Variants in KIF6 observed in about 807,000 individuals in gnomAD.
The protein encoded by KIF6 is kinesin family member 6, also known as kinesin-like protein KIF6.
A neutral mutation model predicts 112.7 loss-of-function variants in KIF6; 106 were observed. The ratio of observed to expected loss-of-function variants is 0.94; its 90% CI spans 0.80 to 1.11. The LOEUF (loss-of-function observed/expected upper bound fraction) is 1.11, where lower values mean the gene tolerates loss of function less well. Among genes scored for constraint, KIF6 ranks in the 50% least tolerant of loss-of-function variants. The pLI, the probability that KIF6 is intolerant of heterozygous loss-of-function variation, is 0.00. For missense variants in KIF6, 929 were observed against 964.0 expected, an observed-to-expected ratio of 0.96 and a Z score of 0.48; for synonymous variants, 339 against 339.9, an observed-to-expected ratio of 1.00 and a Z score of 0.03.
intron 15 of KIF6, 50 bp from the exon 16 acceptor site, chr6:39,385,722 G>A: frequency 8.1e-7 from 1 of 1,235,546 alleles, no homozygotes; most frequent in South Asian, 1.2e-5. Context: ...ATGGGCTGGA[G>A]GAAGACTGCC....
At chr6:39,576,499 T>A (rs1780982594) in intron 10 of KIF6, among the ~76,000 whole-genome samples, 1 of 152,146 alleles carries the variant, frequency 6.6e-6, no homozygotes, top group Non-Finnish European at 1.5e-5. Context: ...TTCCTAGACT[T>A]TTTTAGCAAC....
intron 10 of KIF6, among the ~76,000 whole-genome samples, chr6:39,552,468 A>T (rs925080294): frequency 6.6e-6 from 1 of 152,224 alleles, no homozygotes; most frequent in Admixed American, 6.5e-5. Flanking sequence ...AGAGAAGTTC[A>T]GTAACTTGCA....
At chr6:39,718,403 AG>A (rs1789992630) in intron 2 of KIF6, 1 of 152,100 alleles carries the variant, frequency 6.6e-6, no homozygotes, top group Admixed American at 6.6e-5. Flanking sequence ...ACAATTATGA[AG>A]GTATGTAGCA....
At position 39,342,360 on chromosome 6, in the gene KIF6, T is replaced by G. The variant is rs1480334870; in HGVS notation, c.2428+1349A>C. Among the ~76,000 whole-genome samples, 1 of 152,230 alleles carries G rather than the reference T, an allele frequency of 6.6e-6. No individual in the cohort carries two copies. The highest frequency in any genetic ancestry group is 1.5e-5 in the Non-Finnish European group (1 of 68,056). On this transcript the variant is annotated intron_variant, in intron 22 of 22. Transcript: ENST00000287152. The surrounding 1 kb of genome is among the most constrained non-coding windows in gnomAD (Gnocchi z 4.7). ...CCCCTCAAACAATCTTACGTATTTG[T>G]CGACGTGTTCATTGTCTGTCTCCTT...
rs905605743 is a variant in KIF6 at position 39,331,053 on chromosome 6, A to G, written c.*5479T>C. The G allele has an allele frequency of 6.6e-6, 1 of 151,808 alleles. No homozygotes were observed. Among genetic ancestry groups the G allele is most frequent in the Non-Finnish European group, 1.5e-5 (1 of 68,064 alleles). 9.4% of individuals were successfully genotyped at this position (151,808 alleles called of 1,614,324 possible). ...GCCTCTTCCCATCACCCAATACCCA[A>G]CCTGCCATCATTGTCCTAAGCTTCC... On this transcript the variant is annotated 3_prime_UTR_variant, in exon 23 of 23. Transcript: ENST00000287152.
rs1421699723 is a variant in KIF6 at position 39,620,969 on chromosome 6, A to G, written c.510-7651T>C. Among the ~76,000 whole-genome samples, 3 of 152,076 alleles carry G rather than the reference A, an allele frequency of 2.0e-5. 1 individual carries two copies. Among genetic ancestry groups the G allele is most frequent in the South Asian group, 4.2e-4 (2 of 4,816 alleles). On this transcript the variant is annotated intron_variant, in intron 5 of 22. Coordinates refer to ENST00000287152, the MANE Select transcript of KIF6 (RefSeq NM_145027.6). ...TTTTTAGTAGAGACAGGGTTTTGCC[A>G]TGTTAGCCAGGCTGGTCTTGAACTC...
At chr6:39,589,857 CTTTATG>C in intron 7 of KIF6, among the ~76,000 whole-genome samples, 1 of 152,302 alleles carries the variant, frequency 6.6e-6, no homozygotes, top group Admixed American at 6.5e-5. Context: ...TCTTGAGATT[CTTTATG>C]TTTAATAAAC....
At chr6:39,687,197 T>G (rs774978526) in intron 3 of KIF6, among the ~76,000 whole-genome samples, 6 of 151,786 alleles carry the variant, frequency 4.0e-5, no homozygotes, top group Non-Finnish European at 5.9e-5. Context: ...GAATACTGAG[T>G]GGTGAAAGTA....
chr6:39,617,238 T>C (rs1783568199), intron 5 of KIF6, among the ~76,000 whole-genome samples: 2 of 151,432 alleles, frequency 1.3e-5, no homozygotes, highest in South Asian at 4.1e-4. Context: ...GCAAGCTTTG[T>C]GTTTTCTCTG....
chr6:39,367,366 G>A (rs559220428), intron 16 of KIF6, among the ~76,000 whole-genome samples: 1 of 152,300 alleles, frequency 6.6e-6, no homozygotes, highest in African/African-American at 2.4e-5. Flanking sequence ...GGAGGCACAG[G>A]GAGCCCTCCT....
At chr6:39,650,391 C>T (rs1450742980) in intron 3 of KIF6, among the ~76,000 whole-genome samples, 1 of 152,022 alleles carries the variant, frequency 6.6e-6, no homozygotes, top group African/African-American at 2.4e-5. Context: ...GAAAATGACC[C>T]CTTCTGAACA....
At chr6:39,718,853 C>T (rs993291598) in intron 2 of KIF6, among the ~76,000 whole-genome samples, 1 of 151,966 alleles carries the variant, frequency 6.6e-6, no homozygotes, top group South Asian at 2.1e-4. Flanking sequence ...GACCGCCCCA[C>T]TAGGCAACAA....
At chr6:39,548,793 T>C (rs1779201641) in intron 10 of KIF6, among the ~76,000 whole-genome samples, 1 of 152,182 alleles carries the variant, frequency 6.6e-6, no homozygotes, top group African/African-American at 2.4e-5. Flanking sequence ...GGAAAACTGT[T>C]TGCAGAAAAG....
Position 39,662,115 on chromosome 6 carries a change from T to C in KIF6, c.252-22358A>G, listed in dbSNP as rs185965655. On this transcript the variant is annotated intron_variant, in intron 3 of 22. Transcript: ENST00000287152. ...TTCTAGTTGTTTTATTTAAAGAGTTTGAAATACTTAAAAATATTATGACTT... is the reference window on the plus strand; with the variant it reads ...TTCTAGTTGTTTTATTTAAAGAGTTCGAAATACTTAAAAATATTATGACTT... Among the ~76,000 whole-genome samples, 621 of 152,308 alleles carry C rather than the reference T, an allele frequency of 4.1e-3. 2 individuals carry two copies. The highest frequency in any genetic ancestry group is 7.6e-3 in the Admixed American group (116 of 15,280).
At chr6:39,701,292 G>A (rs569248941) in intron 3 of KIF6, among the ~76,000 whole-genome samples, 3 of 152,176 alleles carry the variant, frequency 2.0e-5, no homozygotes, top group Non-Finnish European at 4.4e-5. Context: ...CCCTGCTCTG[G>A]CATGGCCACA....
intron 9 of KIF6, among the ~76,000 whole-genome samples, chr6:39,582,308 T>C (rs76304065): frequency 0.015 from 2,324 of 152,278 alleles, 55 homozygotes; most frequent in African/African-American, 0.05. Flanking sequence ...CTTAGGAGAT[T>C]TGAGCTCATG....
chr6:39,337,154 CTTTTCTTTCTTTCCTTCCTTCTTTCTT>C lies in KIF6; in HGVS notation c.2429-633_2429-607del, dbSNP rs1278665528. 9.1e-4 allele frequency among the ~76,000 whole-genome samples: 67 copies of C among 73,938 alleles called. 7 individuals are homozygous for C. The highest frequency in any genetic ancestry group is 2.8e-3 in the African/African-American group (67 of 23,904). The allele number at this position is 73,938 out of a possible 152,430, so 48.5% of individuals were successfully genotyped here. ...CTCCTTCCTTCCTTCCTTTCTCTTT[CTTTTCTTTCTTTCCTTCCTTCTTTCTT>C]TCTTTCTTTCTTTCTTTCTTTCTTT... is the stretch of plus-strand genomic sequence containing the variant. On this transcript the variant is annotated intron_variant, in intron 22 of 22. Coordinates refer to ENST00000287152, the MANE Select transcript of KIF6 (RefSeq NM_145027.6).
intron 15 of KIF6, among the ~76,000 whole-genome samples, chr6:39,397,157 C>A (rs1308508677): frequency 1.3e-5 from 2 of 152,212 alleles, no homozygotes; most frequent in Non-Finnish European, 2.9e-5. Flanking sequence ...CTTTACTAAA[C>A]CTTCTCCCTT....
At chr6:39,697,275 G>A (rs1253766477) in intron 3 of KIF6, among the ~76,000 whole-genome samples, 3 of 152,078 alleles carry the variant, frequency 2.0e-5, no homozygotes, top group Non-Finnish European at 2.9e-5. Context: ...TTGGTCTGGG[G>A]ATGGGGATGT....
Sources: allele counts gnomAD v4.1 joint callset (sites outside exome capture counted in the v4.1 genomes callset), GRCh38; gene constraint gnomAD v4.1.1; non-coding constraint Gnocchi (gnomAD v3.1); transcripts MANE v1.5; gene names NCBI Gene and HGNC (gene_info 2026-07-23, HGNC 2026-07-21).